KIFAP3: variants seen among roughly 807,000 people sequenced by gnomAD.
The protein encoded by KIFAP3 is kinesin associated protein 3.
KIFAP3 carries 68 observed loss-of-function variants against 106.5 expected under a neutral mutation model. The observed-to-expected ratio is 0.64, with a 90% confidence interval of 0.53 to 0.78. The LOEUF is 0.78. Ranked by LOEUF, KIFAP3 falls within the 30% of genes least tolerant of loss-of-function variation. The pLI, the probability that KIFAP3 is intolerant of heterozygous loss-of-function variation, is 0.00. For missense variants in KIFAP3, 780 were observed against 941.8 expected (o/e 0.83, Z 2.25); for synonymous variants, 320 against 311.5 (o/e 1.03, Z -0.29).
At chr1:170,021,941 C>CTTTTTTTTTTTTTTTTTT (rs71125221) in intron 9 of KIFAP3, among the ~76,000 whole-genome samples, 2 of 77,886 alleles carry the variant, frequency 2.6e-5, no homozygotes, top group African/African-American at 4.8e-5. Context: ...TCTTTTCTTT[C>CTTTTTTTTTTTTTTTTTT]TTTTTTTTTT....
chr1:170,077,440 C>T (rs749124945), upstream of KIFAP3, among the ~76,000 whole-genome samples: 7 of 152,054 alleles, frequency 4.6e-5, no homozygotes, highest in Non-Finnish European at 1.0e-4. Flanking sequence ...TCACACAATA[C>T]AATAATATGC....
chr1:170,044,760 T>C (rs1193083027), intron 3 of KIFAP3, among the ~76,000 whole-genome samples: 1 of 152,186 alleles, frequency 6.6e-6, no homozygotes, highest in Non-Finnish European at 1.5e-5. Context: ...AGCTGCAGGA[T>C]TCTACAGTGC....
intron 8 of KIFAP3, among the ~76,000 whole-genome samples, chr1:170,028,791 TGTAG>T (rs1426795060): frequency 1.3e-5 from 2 of 152,176 alleles, no homozygotes; most frequent in African/African-American, 4.8e-5. Context: ...ATGTATCACT[TGTAG>T]GTAGACAACT....
chr1:169,932,690 CTT>C (rs555128734), intron 19 of KIFAP3, among the ~76,000 whole-genome samples: 7 of 129,138 alleles, frequency 5.4e-5, no homozygotes, highest in Admixed American at 8.6e-5. Context: ...TAACACCAGA[CTT>C]TTTTTTTTTT....
upstream of KIFAP3, among the ~76,000 whole-genome samples, chr1:170,076,789 T>A (rs1671927670): frequency 6.6e-6 from 1 of 152,240 alleles, no homozygotes; most frequent in Admixed American, 6.5e-5. Flanking sequence ...CCCTATTAAT[T>A]TACTTTAAAA....
At chr1:170,000,690 C>T (rs1667621623) in intron 10 of KIFAP3, among the ~76,000 whole-genome samples, 1 of 152,048 alleles carries the variant, frequency 6.6e-6, no homozygotes, top group Non-Finnish European at 1.5e-5. Flanking sequence ...TCAATATAAA[C>T]AGATAGCCTT....
At chr1:170,054,723 A>C (rs1670753412) in intron 2 of KIFAP3, among the ~76,000 whole-genome samples, 1 of 151,808 alleles carries the variant, frequency 6.6e-6, no homozygotes. Context: ...AAAACCAAAC[A>C]CCACATGTTC....
At chr1:169,975,333 T>G (rs1198487662) in intron 16 of KIFAP3, among the ~76,000 whole-genome samples, 1 of 152,078 alleles carries the variant, frequency 6.6e-6, no homozygotes, top group Non-Finnish European at 1.5e-5. Context: ...ACTAGCTATC[T>G]CATATATCAA....
chr1:170,038,902 G>A (rs1370868835), intron 4 of KIFAP3, among the ~76,000 whole-genome samples: 1 of 152,082 alleles, frequency 6.6e-6, no homozygotes, highest in Non-Finnish European at 1.5e-5. Flanking sequence ...GACCAACATG[G>A]TGAAACCCCA....
At chr1:169,978,276 A>G (rs1571595668) in intron 15 of KIFAP3, 93 bp from the exon 16 acceptor site, 3 of 784,640 alleles carry the variant, frequency 3.8e-6, no homozygotes, top group East Asian at 5.5e-5. Context: ...GAGAAAAACT[A>G]AAAGTGATAA....
At chr1:170,043,836 T>TA (rs1670105043) in intron 3 of KIFAP3, among the ~76,000 whole-genome samples, 1 of 152,146 alleles carries the variant, frequency 6.6e-6, no homozygotes, top group African/African-American at 2.4e-5. Context: ...TTGATGGGGT[T>TA]GAAATAAAGG....
Position 170,064,649 on chromosome 1 carries a change from T to C in KIFAP3, c.33-9213A>G, listed in dbSNP as rs139216810. ...GATGACAGGCATGAGCCAACACACCTGGCTAGTTTCCTCATTTAATATGTT... is the reference window on the plus strand; with the variant it reads ...GATGACAGGCATGAGCCAACACACCCGGCTAGTTTCCTCATTTAATATGTT... On this transcript the variant is annotated intron_variant, in intron 1 of 19. Coordinates refer to ENST00000361580, the MANE Select transcript of KIFAP3 (RefSeq NM_014970.4). 1.2e-4 allele frequency among the ~76,000 whole-genome samples: 18 copies of C among 152,334 alleles called. No homozygotes were observed. The East Asian group carries it at 3.5e-3, about 29-fold the overall frequency.
intron 1 of KIFAP3, among the ~76,000 whole-genome samples, chr1:170,084,194 T>C (rs1318021154): frequency 6.6e-6 from 1 of 152,196 alleles, no homozygotes; most frequent in Admixed American, 6.5e-5. Context: ...TACCACAGTT[T>C]GTTCCATCAA....
intron 17 of KIFAP3, among the ~76,000 whole-genome samples, chr1:169,961,604 C>T (rs1665336593): frequency 6.6e-6 from 1 of 152,030 alleles, no homozygotes; most frequent in Non-Finnish European, 1.5e-5. Context: ...TTCAATTGCA[C>T]AGGTCCACTT....
chr1:170,053,077 T>C (rs1271549424), intron 2 of KIFAP3, among the ~76,000 whole-genome samples: 2 of 152,228 alleles, frequency 1.3e-5, no homozygotes, highest in Non-Finnish European at 2.9e-5. Context: ...ATGACATGAT[T>C]GTATATTTAG....
chr1:169,982,676 A>G (rs759314617), intron 14 of KIFAP3, 26 bp downstream of exon 14: 1 of 1,470,582 alleles, frequency 6.8e-7, no homozygotes, highest in East Asian at 2.4e-5. Context: ...TAGTGATTAT[A>G]CAAAAGTGAA....
chr1:169,960,363 A>G (rs556028696), intron 18 of KIFAP3, among the ~76,000 whole-genome samples: 146 of 152,190 alleles, frequency 9.6e-4, no homozygotes, highest in African/African-American at 3.5e-3. Context: ...CAACTAAATG[A>G]CTTCAATGAA....
chr1:169,962,835 T>C (rs1224201947), intron 17 of KIFAP3, among the ~76,000 whole-genome samples: 1 of 152,212 alleles, frequency 6.6e-6, no homozygotes, highest in Non-Finnish European at 1.5e-5. Flanking sequence ...TGTGCTATAA[T>C]GTACATTTAA....
intron 2 of KIFAP3, 92 bp downstream of exon 2, chr1:170,055,213 T>C: frequency 9.1e-7 from 1 of 1,104,894 alleles, no homozygotes; most frequent in Non-Finnish European, 1.3e-6. Flanking sequence ...ATGCCATAAT[T>C]AATCACCTAT....
Sources: allele counts gnomAD v4.1 joint callset (sites outside exome capture counted in the v4.1 genomes callset), GRCh38; gene constraint gnomAD v4.1.1; transcripts MANE v1.5; gene names NCBI Gene and HGNC (gene_info 2026-07-23, HGNC 2026-07-21).